Variants in PIGQ observed in about 807,000 individuals in gnomAD.
PIGQ encodes phosphatidylinositol glycan anchor biosynthesis class Q.
In PIGQ, 54 loss-of-function variants were observed where a neutral mutation model predicts 60.3. That is an observed-to-expected ratio of 0.90 (90% confidence interval 0.72 to 1.12). The LOEUF (loss-of-function observed/expected upper bound fraction) is 1.12. PIGQ is among the 50% of genes most tolerant of loss of function. The pLI, the probability that PIGQ is intolerant of heterozygous loss-of-function variation, is 0.00. For missense variants in PIGQ, 799 were observed against 793.5 expected, an observed-to-expected ratio of 1.01 and a Z score of -0.08; for synonymous variants, 416 against 363.7, an observed-to-expected ratio of 1.14 and a Z score of -1.64.
chr16:578,818 A>G lies in PIGQ; in HGVS notation c.1103A>G (p.His368Arg). Residue 368 changes from histidine (H) to arginine (R), a missense_variant, in exon 6 of 11, where the codon CAC becomes CGC. Physicochemically the swap from His to Arg is conservative, Grantham distance 29 (BLOSUM62 0). Transcript: ENST00000321878. ...CACCTCATGTCCCCCTTCGTGGAGC[A>G]CATCCTTTGGCACGTGGGCCTCTCG... ...YIHLMSPFVEHILWHVGLSAC... is the reference protein window; with the variant it reads ...YIHLMSPFVERILWHVGLSAC... 1 of 1,613,780 alleles carries G rather than the reference A, an allele frequency of 6.2e-7. No homozygotes were observed. The highest frequency in any genetic ancestry group is 1.1e-5 in the South Asian group (1 of 91,084).
At position 583,184 on chromosome 16, in the gene PIGQ, G is replaced by A. The variant is rs2035841120; in HGVS notation, c.*149G>A. 1.2e-6 allele frequency: 2 copies of A among 1,613,318 alleles called. No individual in the cohort carries two copies. The highest frequency in any genetic ancestry group is 1.1e-5 in the South Asian group (1 of 91,088). On this transcript the variant is annotated 3_prime_UTR_variant, in exon 11 of 11. Coordinates refer to ENST00000321878, the MANE Select transcript of PIGQ (RefSeq NM_004204.5). ...ACGGCAGGCCCTGCTATCACACCTTGGGCTTGGAGGTCATTGGGAGTGAGC... is the reference window on the plus strand; with the variant it reads ...ACGGCAGGCCCTGCTATCACACCTTAGGCTTGGAGGTCATTGGGAGTGAGC...
At chr16:576,748 C>T in intron 4 of PIGQ, 1 of 403,260 alleles carries the variant, frequency 2.5e-6, no homozygotes, top group Non-Finnish European at 4.4e-6. Flanking sequence ...CCCACCTTCC[C>T]TGCATGGTCT....
rs1355871826 is a variant in PIGQ at position 575,950 on chromosome 16, G to A, written c.801G>A (p.Glu267=). The change falls in exon 3 of 11, where the codon GAG becomes GAA. Residue 267 remains glutamate (E), a synonymous_variant. Transcript: ENST00000321878. Reference sequence around the variant, plus strand: ...TAATCTTCAGTACACGGAAGGCGGAGAACCCTGCCCAGCTGATGAGGTGTG... The same window carrying A: ...TAATCTTCAGTACACGGAAGGCGGAAAACCCTGCCCAGCTGATGAGGTGTG... ...LTLIFSTRKA[E]NPAQLMRKAN... 2 of 1,585,688 alleles carry A rather than the reference G, an allele frequency of 1.3e-6. No homozygotes were observed. Among genetic ancestry groups the A allele is most frequent in the Non-Finnish European group, 8.6e-7 (1 of 1,166,520 alleles).
rs2035679169 is a variant in PIGQ, at chr16:574,237, G to T, written c.163G>T (p.Ala55Ser). The T allele has an allele frequency of 1.2e-6, 2 of 1,610,534 alleles. No homozygotes were observed. Among genetic ancestry groups the T allele is most frequent in the Admixed American group, 3.3e-5 (2 of 59,970 alleles). The change falls in exon 2 of 11, where the codon GCC becomes TCC. Residue 55 changes from alanine to serine, a missense_variant. Ala to Ser is a moderately conservative substitution (Grantham distance 99). Transcript: ENST00000321878. The part of the protein sequence containing the change: ...VKQLLAQVRQ[A>S]SQVGVAVLGT... ...GCAGCTCCTGGCCCAGGTGCGGCAGGCCAGCCAGGTGGGCGTGGCCGTGCT... is the reference window on the plus strand; with the variant it reads ...GCAGCTCCTGGCCCAGGTGCGGCAGTCCAGCCAGGTGGGCGTGGCCGTGCT...
At chr16:579,244 G>A (rs950852610) in intron 7 of PIGQ, 64 bp downstream of exon 7, 22 of 1,362,862 alleles carry the variant, frequency 1.6e-5, no homozygotes, top group African/African-American at 1.1e-4. Flanking sequence ...CTGGGCCAGC[G>A]CGGTGCTTGG....
chr16:581,948 CGTAT>C (rs1555452620), intron 9 of PIGQ: 47 of 420,222 alleles, frequency 1.1e-4, no homozygotes, highest in Non-Finnish European at 1.8e-4. Context: ...ATTTTTAGTA[CGTAT>C]GGGGTTTCAC....
chr16:583,574 C>A lies in PIGQ; in HGVS notation c.*539C>A. 1 of 1,612,638 alleles carries A rather than the reference C, an allele frequency of 6.2e-7. No individual in the cohort carries two copies. The highest frequency in any genetic ancestry group is 2.2e-5 in the East Asian group (1 of 44,878). On this transcript the variant is annotated 3_prime_UTR_variant, in exon 11 of 11. Transcript: ENST00000321878. ...CCCCCGTCCCCAGCGGGCCCGGGCCCTCACTCCCTGAACCACACGGGGTTT... is the reference window on the plus strand; with the variant it reads ...CCCCCGTCCCCAGCGGGCCCGGGCCATCACTCCCTGAACCACACGGGGTTT...
chr16:574,087 G>A lies in PIGQ; in HGVS notation c.13G>A (p.Ala5Thr), dbSNP rs752292030. ...CCAGCCTCCCGGCATGGTGCTCAAGGCCTTCTTCCCCACGTGCTGCGTCTC... is the reference window on the plus strand; with the variant it reads ...CCAGCCTCCCGGCATGGTGCTCAAGACCTTCTTCCCCACGTGCTGCGTCTC... MVLKAFFPTCCVSTD... is the reference protein window; with the variant it reads MVLKTFFPTCCVSTD... The change falls in exon 2 of 11, where the codon GCC (alanine) becomes ACC (threonine). Residue 5 changes from alanine to threonine, a missense_variant. Transcript: ENST00000321878. 6 of 1,604,172 alleles carry A rather than the reference G, an allele frequency of 3.7e-6. No individual in the cohort carries two copies. The East Asian group carries it at 1.3e-4, about 36-fold the overall frequency.
chr16:573,084 G>C (rs1405040905), intron 1 of PIGQ, among the ~76,000 whole-genome samples: 1 of 152,224 alleles, frequency 6.6e-6, no homozygotes, highest in Non-Finnish European at 1.5e-5. Context: ...CAGTGGAGAA[G>C]GAGCCCCAGC....
intron 4 of PIGQ, 23 bp downstream of exon 4, chr16:576,277 CGGTGTCCCG>C: frequency 6.5e-7 from 1 of 1,550,362 alleles, no homozygotes; most frequent in Non-Finnish European, 8.7e-7. Flanking sequence ...GGGTGGAGCC[CGGTGTCCCG>C]GGTGGGCGTG....
At chr16:581,667 T>G (rs1372783226) in intron 9 of PIGQ, 8 of 161,650 alleles carry the variant, frequency 4.9e-5, no homozygotes, top group African/African-American at 1.9e-4. Flanking sequence ...TTTCACCATT[T>G]TGGCCACGCT....
At chr16:574,861 T>C in intron 2 of PIGQ, 98 bp downstream of exon 2, 1 of 989,444 alleles carries the variant, frequency 1.0e-6, no homozygotes, top group African/African-American at 1.6e-5. Context: ...AGATGCGCTC[T>C]TCCTGGGCCC....
chr16:578,674 T>G (rs924543248), intron 5 of PIGQ, 111 bp from the exon 6 acceptor site: 1 of 1,452,062 alleles, frequency 6.9e-7, no homozygotes. Context: ...TCCCGAGGGC[T>G]GACCCCACCC....
chr16:582,376 G>A, intron 10 of PIGQ, 67 bp downstream of exon 10: 1 of 1,209,622 alleles, frequency 8.3e-7, no homozygotes, highest in Non-Finnish European at 1.2e-6. Context: ...GGGGTCAGCT[G>A]GGTGTAGTGT....
Position 580,879 on chromosome 16 carries a change from G to C in PIGQ, c.1438G>C (p.Val480Leu). Residue 480 changes from valine to leucine, a missense_variant, in exon 9 of 11, where the codon GTG becomes CTG. Coordinates refer to ENST00000321878, the MANE Select transcript of PIGQ (RefSeq NM_004204.5). ...ACAGCTCCGGCTCCTGGTGGTCGCC[G>C]TGCAGGGCCTGATCCATCTGCTCGT... ...FTLLRLLVVA[V>L]QGLIHLLVDL... 1 of 1,570,534 alleles carries C rather than the reference G, an allele frequency of 6.4e-7. No individual in the cohort carries two copies. Among genetic ancestry groups the C allele is most frequent in the South Asian group, 1.1e-5 (1 of 90,328 alleles).
chr16:580,633 G>T, intron 8 of PIGQ: 1 of 581,624 alleles, frequency 1.7e-6, no homozygotes, highest in East Asian at 2.8e-5. Context: ...GTGAGGCTGT[G>T]GGGAGGCACC....
Position 579,070 on chromosome 16 carries a change from C to T in PIGQ, c.1225C>T (p.Leu409=). The stretch of plus-strand genomic sequence containing the variant: ...GCCCGACAGCACTGCGTCCTGTAGG[C>T]TGTACTGCCTGAAGATCCATGGCCT... The part of the protein sequence containing the change: ...IYCFYVYGAR[L]YCLKIHGLSS... The change falls in exon 7 of 11, where the codon CTG becomes TTG. Residue 409 remains leucine (L), a splice_region_variant and synonymous_variant. Coordinates refer to ENST00000321878, the MANE Select transcript of PIGQ (RefSeq NM_004204.5). 6.2e-7 allele frequency: 1 copy of T among 1,611,862 alleles called. No homozygotes were observed. The highest frequency in any genetic ancestry group is 8.5e-7 in the Non-Finnish European group (1 of 1,179,270).
chr16:581,007 A>G, intron 9 of PIGQ, 35 bp downstream of exon 9: 1 of 1,433,492 alleles, frequency 7.0e-7, no homozygotes, highest in Non-Finnish European at 9.8e-7. Context: ...GGCCCTGGGT[A>G]GGTGGAGGGG....
rs754984697 is a variant in PIGQ at position 583,822 on chromosome 16, A to G, written c.*787A>G. ...GGAAGGAGGAAGCCCTGCTGTGCAG[A>G]CACCTCTGTGGCCCCCCAGGAGTGT... On this transcript the variant is annotated 3_prime_UTR_variant, in exon 11 of 11. Transcript: ENST00000321878. 1.4e-4 allele frequency: 97 copies of G among 707,550 alleles called. No individual in the cohort carries two copies. The highest frequency in any genetic ancestry group is 2.4e-4 in the Non-Finnish European group (96 of 403,374). The allele number at this position is 707,550 out of a possible 1,614,324, so 43.8% of individuals were successfully genotyped here.
Sources: allele counts gnomAD v4.1 joint callset (sites outside exome capture counted in the v4.1 genomes callset), GRCh38; gene constraint gnomAD v4.1.1; transcripts MANE v1.5; gene names NCBI Gene and HGNC (gene_info 2026-07-23, HGNC 2026-07-21).